PHYHD1: variants seen among roughly 807,000 people sequenced by gnomAD.
PHYHD1 encodes the protein phytanoyl-CoA dioxygenase domain-containing protein 1.
Under a neutral mutation model 43.6 loss-of-function variants are expected in PHYHD1, and 42 were observed. That is an observed-to-expected ratio of 0.96 (90% CI 0.75 to 1.25). The LOEUF (loss-of-function observed/expected upper bound fraction) is 1.25, where lower values mean the gene tolerates loss of function less well. PHYHD1 is among the 50% of genes most tolerant of loss of function. The pLI is 0.00. For missense variants in PHYHD1, 342 were observed against 370.8 expected, an observed-to-expected ratio of 0.92 and a Z score of 0.64; for synonymous variants, 139 against 143.6, an observed-to-expected ratio of 0.97 and a Z score of 0.23.
At chr9:128,939,677 G>A (rs372500635) in intron 9 of PHYHD1, among the ~76,000 whole-genome samples, 1 of 101,406 alleles carries the variant, frequency 9.9e-6, no homozygotes, top group Admixed American at 1.0e-4. Context: ...TTTTTTGAGA[G>A]GGAGTCTTGC....
At chr9:128,932,173 T>G in intron 4 of PHYHD1, among the ~76,000 whole-genome samples, 1 of 112,356 alleles carries the variant, frequency 8.9e-6, no homozygotes, top group African/African-American at 3.7e-5. Flanking sequence ...ATTATTGTTA[T>G]TATTATTATT....
At chr9:128,931,251 A>G (rs546821043) in intron 4 of PHYHD1, among the ~76,000 whole-genome samples, 2 of 152,180 alleles carry the variant, frequency 1.3e-5, no homozygotes, top group African/African-American at 4.8e-5. Context: ...AGCTGGGATT[A>G]CAGGCGTGTG....
chr9:128,923,266 G>C (rs1841050062), intron 3 of PHYHD1, among the ~76,000 whole-genome samples: 1 of 151,932 alleles, frequency 6.6e-6, no homozygotes, highest in South Asian at 2.1e-4. Context: ...TTGCAGAGAT[G>C]GGGTCTCACT....
In PHYHD1 at chr9:128,921,931, T is replaced by C. The variant is rs1001666661; in HGVS notation, c.-158T>C. 1.3e-5 allele frequency: 3 copies of C among 232,018 alleles called. No homozygotes were observed. Among genetic ancestry groups the C allele is most frequent in the Non-Finnish European group, 1.7e-5 (2 of 118,208 alleles). The allele number at this position is 232,018 out of a possible 1,614,324, so 14.4% of individuals were successfully genotyped here. ...AACCCTGCATCCCATTCTATCCAGA[T>C]TGAGGCCTAGAGAGAGGCAGGCGTT... is the stretch of plus-strand genomic sequence containing the variant. On this transcript the variant is annotated splice_region_variant and 5_prime_UTR_variant, in exon 2 of 13. Coordinates refer to ENST00000372592, the MANE Select transcript of PHYHD1 (RefSeq NM_001100876.2).
chr9:128,923,577 T>G (rs1055303737), intron 3 of PHYHD1, among the ~76,000 whole-genome samples: 1 of 152,370 alleles, frequency 6.6e-6, no homozygotes. Flanking sequence ...TTTGTTAAAC[T>G]AATCCCCTTG....
intron 9 of PHYHD1, among the ~76,000 whole-genome samples, chr9:128,938,842 C>CTACT (rs1841490640): frequency 7.6e-6 from 1 of 131,682 alleles, no homozygotes; most frequent in African/African-American, 2.5e-5. Flanking sequence ...AGGTGATTAT[C>CTACT]TACTTCTGCT....
At chr9:128,932,184 A>ATTATTTTTTT (rs1400960079) in intron 4 of PHYHD1, among the ~76,000 whole-genome samples, 1 of 108,698 alleles carries the variant, frequency 9.2e-6, no homozygotes, top group African/African-American at 4.2e-5. Flanking sequence ...TATTATTATT[A>ATTATTTTTTT]TTTTTTTTTT....
intron 9 of PHYHD1, among the ~76,000 whole-genome samples, chr9:128,939,748 G>A (rs1222992392): frequency 8.6e-6 from 1 of 116,754 alleles, no homozygotes; most frequent in African/African-American, 2.8e-5. Context: ...TCTGCCTCCC[G>A]AGTTCAAGCA....
At chr9:128,931,819 G>T (rs1427428955) in intron 4 of PHYHD1, among the ~76,000 whole-genome samples, 2 of 150,560 alleles carry the variant, frequency 1.3e-5, no homozygotes, top group African/African-American at 2.5e-5. Flanking sequence ...GAGCCACCTC[G>T]CCCGGCCTTT....
In PHYHD1 at chr9:128,934,044, A is replaced by G; in HGVS notation, c.302A>G (p.Asn101Ser). The G allele has an allele frequency of 6.2e-7, 1 of 1,613,844 alleles. No individual in the cohort carries two copies. Among genetic ancestry groups the G allele is most frequent in the South Asian group, 1.1e-5 (1 of 91,072 alleles). The stretch of plus-strand genomic sequence containing the variant: ...CTGGTCCCTCCGGAGAAATCCATCA[A>G]CAAAATTGGCCACGGTGAGCAGGGG... ...NFLVPPEKSI[N>S]KIGHALHAHD... The change falls in exon 6 of 13, where the codon AAC becomes AGC. Residue 101 changes from asparagine to serine, a missense_variant. By Grantham distance (46) the Asn-to-Ser change is conservative. Coordinates refer to ENST00000372592, the MANE Select transcript of PHYHD1 (RefSeq NM_001100876.2).
chr9:128,930,020 G>A (rs996226284), intron 4 of PHYHD1, among the ~76,000 whole-genome samples: 4 of 151,268 alleles, frequency 2.6e-5, no homozygotes, highest in East Asian at 1.9e-4. Context: ...GCTCATACCC[G>A]TAATCCCAGC....
chr9:128,923,846 G>A (rs948455510), intron 3 of PHYHD1, among the ~76,000 whole-genome samples: 36 of 152,212 alleles, frequency 2.4e-4, no homozygotes, highest in Non-Finnish European at 3.1e-4. Context: ...GGCCAGGCGC[G>A]GTGGCTCACC....
At chr9:128,936,377 G>A in intron 6 of PHYHD1, 71 bp from the exon 7 acceptor site, 1 of 1,551,006 alleles carries the variant, frequency 6.4e-7, no homozygotes, top group Middle Eastern at 2.0e-4. Flanking sequence ...CCTGAGTGTG[G>A]GTGCCCAGAG....
In PHYHD1 at chr9:128,936,537, G is replaced by A. The variant is rs17485346; in HGVS notation, c.372+34G>A. 7,530 of 1,612,134 alleles carry A rather than the reference G, an allele frequency of 4.7e-3. 319 individuals are homozygous for A. In the African/African-American group the frequency reaches 0.086, roughly 18 times the overall value. On this transcript the variant is annotated intron_variant, in intron 7 of 12. Coordinates refer to ENST00000372592, the MANE Select transcript of PHYHD1 (RefSeq NM_001100876.2). ...AGGTGGGGGTGAGGGCCAGGAGGGT[G>A]GGCCATGTGTGGCAGGCTGGCAGCA...
intron 8 of PHYHD1, among the ~76,000 whole-genome samples, 163 bp downstream of exon 8, chr9:128,936,808 T>C (rs1336488019): frequency 2.0e-5 from 3 of 152,084 alleles, no homozygotes; most frequent in Non-Finnish European, 4.4e-5. Context: ...ACTTAGTTGA[T>C]CCTCAGTTAA....
Position 128,927,047 on chromosome 9 carries a change from G to C in PHYHD1, c.43G>C (p.Asp15His), listed in dbSNP as rs1187485603. 1 of 1,614,068 alleles carries C rather than the reference G, an allele frequency of 6.2e-7. No homozygotes were observed. The highest frequency in any genetic ancestry group is 1.3e-5 in the African/African-American group (1 of 74,938). The change falls in exon 4 of 13, where the codon GAT becomes CAT. Residue 15 changes from aspartate (D) to histidine (H), a missense_variant. Physicochemically the swap from Asp to His is moderately conservative, Grantham distance 81. Transcript: ENST00000372592. ...SPSQLQKFQQ[D>H]GFLVLEGFLS... ...TCAAGCCTGCCTGCAGTTCCAACAG[G>C]ATGGATTCCTGGTGCTGGAAGGATT...
intron 4 of PHYHD1, among the ~76,000 whole-genome samples, chr9:128,931,949 C>G (rs1841290437): frequency 6.6e-6 from 1 of 151,770 alleles, no homozygotes; most frequent in African/African-American, 2.4e-5. Flanking sequence ...ATTCTCCCAT[C>G]TCAGCCTCCC....
chr9:128,930,408 T>C (rs1336069370), intron 4 of PHYHD1, among the ~76,000 whole-genome samples: 3 of 150,776 alleles, frequency 2.0e-5, no homozygotes, highest in Non-Finnish European at 4.4e-5. Flanking sequence ...ATTGCACCAT[T>C]CACTCCAGCC....
At position 128,939,510 on chromosome 9, in the gene PHYHD1, C is replaced by T. The variant is rs529888578; in HGVS notation, c.458-859C>T. ...AGGAGAATCACTTGAATCCGGGAGGCGGAGGTTGCAGTGAGCCAAGATCGT... is the reference window on the plus strand; with the variant it reads ...AGGAGAATCACTTGAATCCGGGAGGTGGAGGTTGCAGTGAGCCAAGATCGT... On this transcript the variant is annotated intron_variant, in intron 9 of 12. Coordinates refer to ENST00000372592, the MANE Select transcript of PHYHD1 (RefSeq NM_001100876.2). Among the ~76,000 whole-genome samples, 13 of 116,272 alleles carry T rather than the reference C, an allele frequency of 1.1e-4. 2 individuals are homozygous for T. Among genetic ancestry groups the T allele is most frequent in the Non-Finnish European group, 2.6e-4 (13 of 50,436 alleles). The allele number at this position is 116,272 out of a possible 152,430, so 76.3% of individuals were successfully genotyped here. A position where few individuals can be genotyped will look rare whatever the true frequency, so the allele number is the denominator to read the frequency against.
Sources: gnomAD v4.1 joint callset for allele counts (sites outside exome capture counted in the v4.1 genomes callset) on GRCh38, gnomAD v4.1.1 for gene constraint, MANE v1.5 for transcripts, NCBI Gene and HGNC (gene_info 2026-07-23, HGNC 2026-07-21) for gene names.